Variants in ROBO1 observed in about 807,000 individuals in gnomAD.
ROBO1 encodes the protein roundabout homolog 1.
In ROBO1, 149 loss-of-function variants were observed where a neutral mutation model predicts 195.9. The ratio of observed to expected loss-of-function variants is 0.76; its 90% CI spans 0.67 to 0.87. The LOEUF (loss-of-function observed/expected upper bound fraction) is 0.87. Ranked by LOEUF, ROBO1 falls within the 40% of genes least tolerant of loss-of-function variation. The pLI is 0.00. For synonymous variants in ROBO1, 816 were observed against 733.2 expected, an observed-to-expected ratio of 1.11 and a Z score of -1.82; for missense variants, 1,933 against 2,068.3, an observed-to-expected ratio of 0.93 and a Z score of 1.27.
At chr3:79,364,596 C>T (rs73125279) in intron 2 of ROBO1, among the ~76,000 whole-genome samples, 9,948 of 151,938 alleles carry the variant, frequency 0.065, 395 homozygotes, top group East Asian at 0.14. Context: ...CAAATCAGGC[C>T]TTAATCCATT....
intron 22 of ROBO1, among the ~76,000 whole-genome samples, chr3:78,637,485 A>C (rs1448516416): frequency 6.6e-6 from 1 of 152,196 alleles, no homozygotes; most frequent in Non-Finnish European, 1.5e-5. Flanking sequence ...CTGATACAGC[A>C]GCCACCAGTC....
Position 78,717,414 on chromosome 3 carries a change from C to T in ROBO1, c.779-1G>A. On this transcript the variant is annotated splice_acceptor_variant, in intron 6 of 30. Coordinates refer to ENST00000464233, the MANE Select transcript of ROBO1 (RefSeq NM_002941.4). LOFTEE classifies it high-confidence loss of function. ...GGTCTCTTCACAAATGATGGTCTCT[C>T]TAAAATTAAAAAGAGTCATCTTAAG... 2 of 1,613,332 alleles carry T rather than the reference C, an allele frequency of 1.2e-6. No homozygotes were observed. The highest frequency in any genetic ancestry group is 1.7e-6 in the Non-Finnish European group (2 of 1,179,494).
Position 79,214,047 on chromosome 3 carries a change from A to T in ROBO1, c.89-88508T>A, listed in dbSNP as rs532389225. On this transcript the variant is annotated intron_variant, in intron 2 of 30. Coordinates refer to ENST00000464233, the MANE Select transcript of ROBO1 (RefSeq NM_002941.4). ...CACCATGTTGGCCTGGCTGGTCTCG[A>T]ATTCCTGACCTCAAGTGATCCACCT... Among the ~76,000 whole-genome samples, 11 of 151,874 alleles carry T rather than the reference A, an allele frequency of 7.2e-5. No individual in the cohort carries two copies. In the South Asian group the frequency reaches 2.3e-3, roughly 31 times the overall value.
intron 8 of ROBO1, among the ~76,000 whole-genome samples, chr3:78,693,666 GACA>G (rs1353946831): frequency 2.0e-5 from 3 of 152,148 alleles, no homozygotes; most frequent in Non-Finnish European, 4.4e-5. Flanking sequence ...TTTGCTACCA[GACA>G]ACAGGTTAGA....
At chr3:79,651,362 C>T (rs1946001340) in intron 1 of ROBO1, among the ~76,000 whole-genome samples, 1 of 151,942 alleles carries the variant, frequency 6.6e-6, no homozygotes, top group Non-Finnish European at 1.5e-5. Flanking sequence ...TGATATTTTT[C>T]TGTGTATTTT....
chr3:78,988,064 T>C (rs972774874), intron 3 of ROBO1, among the ~76,000 whole-genome samples: 2 of 152,166 alleles, frequency 1.3e-5, no homozygotes, highest in Non-Finnish European at 2.9e-5. Flanking sequence ...TAAATAGACA[T>C]GGCAATGTCT....
chr3:79,672,328 T>G (rs1389119743), intron 1 of ROBO1, among the ~76,000 whole-genome samples: 1 of 134,566 alleles, frequency 7.4e-6, no homozygotes, highest in East Asian at 1.9e-4. Flanking sequence ...TAATGAAAGA[T>G]GACTTTGAAT....
intron 3 of ROBO1, among the ~76,000 whole-genome samples, chr3:78,954,991 C>A (rs1298330756): frequency 6.9e-6 from 1 of 144,362 alleles, no homozygotes; most frequent in Non-Finnish European, 1.5e-5. Context: ...GGGTCATGTG[C>A]AGGTTGGTTA....
chr3:78,774,591 C>G (rs1039015614), intron 4 of ROBO1, among the ~76,000 whole-genome samples: 1 of 145,652 alleles, frequency 6.9e-6, no homozygotes, highest in Non-Finnish European at 1.5e-5. Flanking sequence ...ATTACAGGTG[C>G]TAAAATGTTT....
chr3:79,087,719 A>G (rs979854993), intron 3 of ROBO1, among the ~76,000 whole-genome samples: 8 of 152,086 alleles, frequency 5.3e-5, no homozygotes, highest in African/African-American at 1.9e-4. Flanking sequence ...AAGACTAATA[A>G]TAATAAAATA....
intron 1 of ROBO1, among the ~76,000 whole-genome samples, chr3:79,693,203 C>A (rs1947344544): frequency 6.6e-6 from 1 of 151,714 alleles, no homozygotes; most frequent in African/African-American, 2.4e-5. Flanking sequence ...TTTGATTTAG[C>A]ATTTCACAAT....
intron 1 of ROBO1, among the ~76,000 whole-genome samples, chr3:79,630,836 C>A (rs995428208): frequency 6.6e-6 from 1 of 151,818 alleles, no homozygotes; most frequent in Non-Finnish European, 1.5e-5. Flanking sequence ...ACACCAATAA[C>A]ATTGAAGCTG....
At chr3:79,372,559 G>A (rs568581041) in intron 2 of ROBO1, among the ~76,000 whole-genome samples, 48 of 151,898 alleles carry the variant, frequency 3.2e-4, no homozygotes, top group African/African-American at 8.9e-4. Context: ...GAATGCTCAC[G>A]TGCTCTCTCT....
At chr3:79,255,601 T>A (rs2082819251) in intron 2 of ROBO1, among the ~76,000 whole-genome samples, 1 of 152,208 alleles carries the variant, frequency 6.6e-6, no homozygotes, top group Non-Finnish European at 1.5e-5. Context: ...TAATCATTAG[T>A]GTCACTGTGT....
At chr3:79,451,121 T>A (rs2039429916) in intron 2 of ROBO1, among the ~76,000 whole-genome samples, 1 of 152,076 alleles carries the variant, frequency 6.6e-6, no homozygotes, top group African/African-American at 2.4e-5. Context: ...TTAAAATGAA[T>A]AGCAGCCATT....
At chr3:78,928,206 T>C (rs1053790633) in intron 4 of ROBO1, among the ~76,000 whole-genome samples, 2 of 152,178 alleles carry the variant, frequency 1.3e-5, no homozygotes, top group African/African-American at 4.8e-5. Context: ...AATGACAGAA[T>C]TAATTGTCTG....
At position 79,456,045 on chromosome 3, in the gene ROBO1, G is replaced by C. The variant is rs182917236; in HGVS notation, c.88+133779C>G. ...CTTCTTATGCCTAAAGCTGCTTTTG[G>C]TGTTCATGCTCAGGCATTACTTAAG... On this transcript the variant is annotated intron_variant, in intron 2 of 30. Transcript: ENST00000464233. 2.6e-3 allele frequency among the ~76,000 whole-genome samples: 393 copies of C among 152,198 alleles called. 2 individuals are homozygous for C. The highest frequency in any genetic ancestry group is 8.1e-3 in the African/African-American group (338 of 41,550).
chr3:79,055,702 C>T (rs2078793724), intron 3 of ROBO1, among the ~76,000 whole-genome samples: 1 of 152,072 alleles, frequency 6.6e-6, no homozygotes, highest in African/African-American at 2.4e-5. Flanking sequence ...TGTTCCTGGA[C>T]TCGGTCTCGG....
At chr3:79,738,111 G>C (rs935555135) in intron 1 of ROBO1, among the ~76,000 whole-genome samples, 1 of 152,060 alleles carries the variant, frequency 6.6e-6, no homozygotes, top group Non-Finnish European at 1.5e-5. Context: ...TTTTCAGAAG[G>C]CTTTCTAAAA....
Sources: gnomAD v4.1 joint callset for allele counts (sites outside exome capture counted in the v4.1 genomes callset) on GRCh38, gnomAD v4.1.1 for gene constraint, MANE v1.5 for transcripts, NCBI Gene and HGNC (gene_info 2026-07-23, HGNC 2026-07-21) for gene names.